METTL21A: variants seen among roughly 807,000 people sequenced by gnomAD.
METTL21A encodes the protein protein N-lysine methyltransferase METTL21A.
A neutral mutation model predicts 20.9 loss-of-function variants in METTL21A; 22 were observed. That is an observed-to-expected ratio of 1.05 (90% CI 0.75 to 1.50). The LOEUF (loss-of-function observed/expected upper bound fraction) is 1.50, where lower values mean the gene tolerates loss of function less well. Ranked by LOEUF, METTL21A falls within the 40% of genes most tolerant of loss-of-function variation. The pLI is 0.00. For missense variants in METTL21A, 271 were observed against 266.8 expected, an observed-to-expected ratio of 1.02 and a Z score of -0.11; for synonymous variants, 93 against 102.0, an observed-to-expected ratio of 0.91 and a Z score of 0.53.
chr2:207,616,468 A>C (rs1027123119), intron 3 of METTL21A, among the ~76,000 whole-genome samples: 9 of 152,258 alleles, frequency 5.9e-5, no homozygotes, highest in Non-Finnish European at 8.8e-5. Flanking sequence ...CTGAATGACT[A>C]CCATCAGCCA....
chr2:207,603,598 C>T (rs949465255), intron 3 of METTL21A, among the ~76,000 whole-genome samples: 1 of 152,078 alleles, frequency 6.6e-6, no homozygotes, highest in African/African-American at 2.4e-5. Context: ...TACTGGATCC[C>T]TAATTTTCAG....
At chr2:207,621,915 G>A (rs1442431316) in exon 3 of METTL21A, 1 of 1,613,014 alleles carries the variant, frequency 6.2e-7, no homozygotes, top group Non-Finnish European at 8.5e-7. Context: ...AAAGAACGAT[G>A]GCCTGAATGA....
chr2:207,603,313 TTG>T (rs2087437253), intron 3 of METTL21A: 1 of 223,410 alleles, frequency 4.5e-6, no homozygotes, highest in Non-Finnish European at 8.9e-6. Context: ...CCTTGTGAAT[TTG>T]TGAAATATTG....
At chr2:207,581,707 C>A in exon 4 of METTL21A, 1 of 585,478 alleles carries the variant, frequency 1.7e-6, no homozygotes, top group South Asian at 2.3e-5. Context: ...ATTACATAAC[C>A]AGGGTACATT....
downstream of METTL21A, among the ~76,000 whole-genome samples, chr2:207,604,698 A>G (rs1017731293): frequency 2.6e-5 from 4 of 152,312 alleles, no homozygotes; most frequent in South Asian, 2.1e-4. Flanking sequence ...GCTCCAAAAC[A>G]TTCTCATCAC....
chr2:207,615,703 A>AG (rs938343452), intron 3 of METTL21A: 10 of 152,364 alleles, frequency 6.6e-5, no homozygotes, highest in African/African-American at 2.4e-4. Context: ...TAAAAAAAAA[A>AG]AAAAAAGAAA....
At chr2:207,588,084 CTAAAAA>C (rs1234025279) in intron 3 of METTL21A, among the ~76,000 whole-genome samples, 1 of 151,952 alleles carries the variant, frequency 6.6e-6, no homozygotes, top group African/African-American at 2.4e-5. Flanking sequence ...TTTATGTCAA[CTAAAAA>C]TAAAAAGGAA....
chr2:207,608,015 A>G (rs2088412057), downstream of METTL21A, among the ~76,000 whole-genome samples: 1 of 152,014 alleles, frequency 6.6e-6, no homozygotes, highest in Admixed American at 6.5e-5. Flanking sequence ...TCATTTCCCC[A>G]GCTTCCAGGA....
intron 3 of METTL21A, among the ~76,000 whole-genome samples, chr2:207,588,723 T>C (rs2084352860): frequency 2.7e-5 from 2 of 75,400 alleles, no homozygotes; most frequent in South Asian, 1.4e-3. Context: ...ATGAACTGTT[T>C]TCTGGTTTTT....
chr2:207,582,058 T>G (rs2083033664), exon 4 of METTL21A: 1 of 700,926 alleles, frequency 1.4e-6, no homozygotes, highest in East Asian at 2.7e-5. Context: ...ATATTAACTT[T>G]GATCACTTGG....
At chr2:207,581,693 GTATAT>G (rs1278737755) in exon 4 of METTL21A, 4 of 563,190 alleles carry the variant, frequency 7.1e-6, no homozygotes, top group Admixed American at 3.3e-5. Context: ...TCTAATCTTA[GTATAT>G]TACATAACCA....
chr2:207,605,797 T>C (rs2087992123), downstream of METTL21A, among the ~76,000 whole-genome samples: 2 of 152,254 alleles, frequency 1.3e-5, no homozygotes, highest in Admixed American at 1.3e-4. Flanking sequence ...TCTACACAAG[T>C]TGTATCTCCA....
intron 3 of METTL21A, chr2:207,598,491 A>T: frequency 5.7e-6 from 1 of 176,482 alleles, no homozygotes; most frequent in Non-Finnish European, 1.2e-5. Context: ...ACTCTTAAAA[A>T]AAAAAAAAAA....
downstream of METTL21A, chr2:207,609,396 A>G (rs1242350563): frequency 6.6e-6 from 1 of 152,228 alleles, no homozygotes; most frequent in Admixed American, 6.5e-5. Context: ...ATCCTAAAAC[A>G]ATATAACAAT....
intron 3 of METTL21A, among the ~76,000 whole-genome samples, chr2:207,590,321 C>G (rs2084776204): frequency 6.6e-6 from 1 of 151,730 alleles, no homozygotes; most frequent in Non-Finnish European, 1.5e-5. Context: ...TCCTCTCTCT[C>G]TGTATTCGCC....
Position 207,588,713 on chromosome 2 carries a change from A to G in METTL21A, c.260-6553T>C, listed in dbSNP as rs145455858. Among the ~76,000 whole-genome samples, 20 of 122,114 alleles carry G rather than the reference A, an allele frequency of 1.6e-4. No individual in the cohort carries two copies. The South Asian group carries it at 3.0e-3, about 18-fold the overall frequency. The allele number at this position is 122,114 out of a possible 152,430, so 80.1% of individuals were successfully genotyped here. On this transcript the variant is annotated intron_variant, in intron 3 of 3. Transcript: ENST00000425132. ...TATCTTACTGGATTTATACCCAAGT[A>G]TGAACTGTTTTCTGGTTTTTTTTTT... is the stretch of plus-strand genomic sequence containing the variant.
downstream of METTL21A, among the ~76,000 whole-genome samples, chr2:207,604,920 T>A (rs190734638): frequency 1.3e-5 from 2 of 152,368 alleles, no homozygotes; most frequent in Non-Finnish European, 2.9e-5. Context: ...TTTTTATAGC[T>A]AAGTATACTT....
At chr2:207,620,130 GA>G (rs2090311556) in intron 3 of METTL21A, among the ~76,000 whole-genome samples, 1 of 152,132 alleles carries the variant, frequency 6.6e-6, no homozygotes, top group African/African-American at 2.4e-5. Context: ...TCAGCAGAGA[GA>G]GAAGTTGGTG....
At chr2:207,623,065 GGC>G (rs1559132421) in intron 2 of METTL21A, among the ~76,000 whole-genome samples, 1 of 151,914 alleles carries the variant, frequency 6.6e-6, no homozygotes, top group African/African-American at 2.4e-5. Flanking sequence ...GCGCCACCAC[GGC>G]TAATTTTTGT....
Sources: allele counts gnomAD v4.1 joint callset (sites outside exome capture counted in the v4.1 genomes callset), GRCh38; gene constraint gnomAD v4.1.1; transcripts MANE v1.5; gene names NCBI Gene and HGNC (gene_info 2026-07-23, HGNC 2026-07-21).